The following BABAM2 variants were observed in gnomAD, a reference collection of about 807,000 sequenced individuals.
BABAM2 encodes the protein BRISC and BRCA1-A complex member 2.
Under a neutral mutation model 54.7 loss-of-function variants are expected in BABAM2, and 31 were observed. That is an observed-to-expected ratio of 0.57 (90% CI 0.43 to 0.77). The LOEUF (loss-of-function observed/expected upper bound fraction) is 0.77. BABAM2 is among the 30% of genes least tolerant of loss of function. BABAM2 has a pLI of 0.00. For missense variants in BABAM2, 364 were observed against 455.8 expected, an observed-to-expected ratio of 0.80 and a Z score of 1.83; for synonymous variants, 167 against 162.9, an observed-to-expected ratio of 1.03 and a Z score of -0.19.
At chr2:28,161,939 T>G (rs1673142776) in intron 7 of BABAM2, among the ~76,000 whole-genome samples, 1 of 152,196 alleles carries the variant, frequency 6.6e-6, no homozygotes, top group Non-Finnish European at 1.5e-5. Context: ...GACACTCTTT[T>G]GTTTGCTTTC....
At chr2:28,094,550 T>C (rs1049552227) in intron 6 of BABAM2, among the ~76,000 whole-genome samples, 7 of 152,154 alleles carry the variant, frequency 4.6e-5, no homozygotes, top group African/African-American at 1.7e-4. Flanking sequence ...AATTATAGAA[T>C]GTTAAGAATG....
intron 7 of BABAM2, among the ~76,000 whole-genome samples, chr2:28,206,181 A>G (rs553776571): frequency 2.0e-5 from 3 of 152,260 alleles, no homozygotes; most frequent in South Asian, 4.1e-4. Context: ...ACACGAATCT[A>G]TGTTTTCATG....
chr2:28,126,762 AG>A (rs1182079365), intron 6 of BABAM2, among the ~76,000 whole-genome samples: 3 of 147,262 alleles, frequency 2.0e-5, no homozygotes, highest in African/African-American at 7.6e-5. Context: ...TCCCACCAAC[AG>A]TGTAAAAGTG....
chr2:28,200,280 T>C (rs1342405188), intron 7 of BABAM2, among the ~76,000 whole-genome samples: 3 of 152,252 alleles, frequency 2.0e-5, no homozygotes, highest in African/African-American at 7.2e-5. Context: ...TCATTCACCA[T>C]TTCCATCTCA....
intron 6 of BABAM2, among the ~76,000 whole-genome samples, chr2:28,118,567 G>A (rs914568285): frequency 2.0e-5 from 3 of 151,974 alleles, no homozygotes; most frequent in African/African-American, 7.2e-5. Context: ...TGATAGGGTT[G>A]TTTGTTTTTT....
At chr2:28,026,867 T>G (rs59545575) in intron 5 of BABAM2, among the ~76,000 whole-genome samples, 1 of 72,358 alleles carries the variant, frequency 1.4e-5, no homozygotes, top group Non-Finnish European at 2.4e-5. Context: ...TATATAGATA[T>G]ATATATTTAT....
At chr2:28,289,389 G>A (rs866581175) in intron 10 of BABAM2, among the ~76,000 whole-genome samples, 3 of 152,012 alleles carry the variant, frequency 2.0e-5, no homozygotes, top group Non-Finnish European at 4.4e-5. Context: ...AAATATTTAA[G>A]GCATACACAT....
intron 10 of BABAM2, among the ~76,000 whole-genome samples, chr2:28,255,096 A>G (rs1448117009): frequency 2.0e-5 from 3 of 152,062 alleles, no homozygotes; most frequent in Admixed American, 2.0e-4. Flanking sequence ...TAATTAATTA[A>G]TATCACCTAA....
chr2:27,999,238 A>C (rs1230412620), intron 4 of BABAM2, among the ~76,000 whole-genome samples: 3 of 152,056 alleles, frequency 2.0e-5, no homozygotes, highest in African/African-American at 7.2e-5. Flanking sequence ...TGATACAAGA[A>C]GTCTGATAAA....
intron 5 of BABAM2, among the ~76,000 whole-genome samples, chr2:28,043,167 C>T (rs1447159104): frequency 2.7e-5 from 4 of 146,794 alleles, no homozygotes; most frequent in Admixed American, 2.7e-4. Flanking sequence ...CTTGCTCTGT[C>T]GCCCAGGCTA....
intron 11 of BABAM2, among the ~76,000 whole-genome samples, chr2:28,303,621 T>C (rs1688279435): frequency 6.6e-6 from 1 of 152,186 alleles, no homozygotes; most frequent in South Asian, 2.1e-4. Context: ...AGCTTGTTCT[T>C]TTTAAAGATT....
intron 3 of BABAM2, among the ~76,000 whole-genome samples, chr2:27,950,069 G>T (rs1047943981): frequency 3.9e-5 from 6 of 152,162 alleles, no homozygotes; most frequent in Non-Finnish European, 8.8e-5. Context: ...TTCACTCCTA[G>T]ACTTCCAGCA....
At chr2:27,892,158 CCT>C (rs1664912688) in intron 1 of BABAM2, among the ~76,000 whole-genome samples, 1 of 152,200 alleles carries the variant, frequency 6.6e-6, no homozygotes, top group Non-Finnish European at 1.5e-5. Context: ...GGATTCTGAT[CCT>C]CCAGCTTCCA....
At chr2:27,981,048 A>T (rs1165668402) in intron 3 of BABAM2, among the ~76,000 whole-genome samples, 1 of 152,148 alleles carries the variant, frequency 6.6e-6, no homozygotes, top group African/African-American at 2.4e-5. Flanking sequence ...ATAGTTAAAA[A>T]TTTAAAAAGT....
chr2:27,890,991 C>A lies in BABAM2; in HGVS notation c.-25+149C>A, dbSNP rs1390224064. 2 of 152,606 alleles carry A rather than the reference C, an allele frequency of 1.3e-5. No individual in the cohort carries two copies. Among genetic ancestry groups the A allele is most frequent in the Non-Finnish European group, 2.9e-5 (2 of 68,128 alleles). The allele number at this position is 152,606 out of a possible 1,614,324, so 9.5% of individuals were successfully genotyped here. On this transcript the variant is annotated intron_variant, in intron 1 of 11. Transcript: ENST00000379624. The surrounding 1 kb of genome is among the most constrained non-coding windows in gnomAD (Gnocchi z 4.8). ...AAAGATGCCCTTCTCATCCCCATCA[C>A]GCTGATTCCCTCAAGAACGAGCCCC...
chr2:28,219,842 G>A (rs1025759714), intron 7 of BABAM2, among the ~76,000 whole-genome samples: 6 of 152,192 alleles, frequency 3.9e-5, no homozygotes, highest in African/African-American at 1.4e-4. Flanking sequence ...AAGCAAGCAC[G>A]TAGGGTTTAA....
intron 7 of BABAM2, among the ~76,000 whole-genome samples, chr2:28,132,574 C>T (rs570985993): frequency 6.6e-6 from 1 of 152,230 alleles, no homozygotes; most frequent in Non-Finnish European, 1.5e-5. Context: ...CACTCTCTTG[C>T]CTCTGTGCTT....
intron 2 of BABAM2, among the ~76,000 whole-genome samples, chr2:27,902,924 TGAGAGAGA>T (rs1167717410): frequency 6.7e-6 from 1 of 150,002 alleles, no homozygotes; most frequent in Non-Finnish European, 1.5e-5. Context: ...TGTGTGTGTG[TGAGAGAGA>T]GAGAGAGAGA....
intron 6 of BABAM2, among the ~76,000 whole-genome samples, chr2:28,112,087 T>C (rs891196480): frequency 2.0e-4 from 1 of 5,016 alleles, no homozygotes. Context: ...CCATTACTCT[T>C]TCTTTCTTTC....
Sources: allele counts gnomAD v4.1 joint callset (sites outside exome capture counted in the v4.1 genomes callset), GRCh38; gene constraint gnomAD v4.1.1; non-coding constraint Gnocchi (gnomAD v3.1); transcripts MANE v1.5; gene names NCBI Gene and HGNC (gene_info 2026-07-23, HGNC 2026-07-21).